MACF1: variants seen among roughly 807,000 people sequenced by gnomAD.
MACF1 encodes the protein microtubule-actin cross-linking factor 1.
In MACF1, 193 loss-of-function variants were observed where a neutral mutation model predicts 854.8. The ratio of observed to expected loss-of-function variants is 0.23; its 90% CI spans 0.20 to 0.25. MACF1 has a LOEUF of 0.25. Among genes scored for constraint, MACF1 ranks in the 10% least tolerant of loss-of-function variants. MACF1 has a pLI of 1.00. For missense variants in MACF1, 7,722 were observed against 8,929.1 expected, an observed-to-expected ratio of 0.86 and a Z score of 5.45; for synonymous variants, 3,185 against 3,226.7, an observed-to-expected ratio of 0.99 and a Z score of 0.44.
intron 35 of MACF1, among the ~76,000 whole-genome samples, chr1:39,325,706 G>A (rs1034392862): frequency 1.3e-5 from 2 of 152,170 alleles, no homozygotes; most frequent in African/African-American, 4.8e-5. Flanking sequence ...GTGGAGATGA[G>A]GGAAAGGAGA....
At chr1:39,474,124 C>G (rs1034272218) in intron 97 of MACF1, among the ~76,000 whole-genome samples, 7 of 152,124 alleles carry the variant, frequency 4.6e-5, no homozygotes, top group Non-Finnish European at 7.3e-5. Context: ...TGCAGCAGCT[C>G]ATGCCTGTAA....
Position 39,293,501 on chromosome 1 carries a change from A to C in MACF1, c.2036A>C (p.Lys679Thr). 6.2e-7 allele frequency: 1 copy of C among 1,613,996 alleles called. No individual in the cohort carries two copies. Among genetic ancestry groups the C allele is most frequent in the Non-Finnish European group, 8.5e-7 (1 of 1,179,884 alleles). ...FRMRHLQSLH[K>T]FVSRATAELI... Reference sequence around the variant, plus strand: ...ATGAGGCACCTTCAGAGCCTGCATAAATTTGTTTCCAGAGCTACAGCTGAG... The same window carrying C: ...ATGAGGCACCTTCAGAGCCTGCATACATTTGTTTCCAGAGCTACAGCTGAG... Residue 679 changes from lysine to threonine, a missense_variant, in exon 18 of 101, where the codon AAA becomes ACA. This residue lies in a region of MACF1 where 1,137 missense variants were observed against 1,263.0 expected (regional missense o/e 0.90). Transcript: ENST00000564288.
chr1:39,482,220 T>G (rs72930227), intron 99 of MACF1, among the ~76,000 whole-genome samples: 6,955 of 152,184 alleles, frequency 0.046, 513 homozygotes, highest in African/African-American at 0.16. Flanking sequence ...CTAGCCCGGG[T>G]TCTAGCTGTG....
intron 2 of MACF1, chr1:39,120,813 ATTTATC>A (rs1183017782): frequency 6.6e-6 from 1 of 152,042 alleles, no homozygotes; most frequent in East Asian, 1.9e-4. Context: ...TCCCTCAAGC[ATTTATC>A]TTTGTGTTGC....
At chr1:39,424,836 C>T (rs1050791408) in intron 61 of MACF1, among the ~76,000 whole-genome samples, 10 of 152,042 alleles carry the variant, frequency 6.6e-5, no homozygotes, top group Non-Finnish European at 1.2e-4. Context: ...AATTAAATAC[C>T]AGCTAATGAG....
rs1404255072 is a variant in MACF1, at chr1:39,331,822, A to C, written c.5234A>C (p.Lys1745Thr). 1 of 1,614,160 alleles carries C rather than the reference A, an allele frequency of 6.2e-7. No homozygotes were observed. The highest frequency in any genetic ancestry group is 8.5e-7 in the Non-Finnish European group (1 of 1,180,018). Residue 1745 changes from lysine (K) to threonine (T), a missense_variant, in exon 37 of 101, where the codon AAG (lysine) becomes ACG (threonine). Physicochemically the swap from Lys to Thr is moderately conservative, Grantham distance 78. Transcript: ENST00000564288. ...ATGGTGAGCTTGAAATCAGGCCGGA[A>C]GGTTAGCATTTTCCGTGCAGTTCAG... The part of the protein sequence containing the change: ...GGMVSLKSGR[K>T]VSIFRAVQEG...
intron 2 of MACF1, among the ~76,000 whole-genome samples, chr1:39,087,128 G>A (rs1333420643): frequency 2.6e-5 from 4 of 152,230 alleles, no homozygotes; most frequent in Non-Finnish European, 5.9e-5. Flanking sequence ...GTGCAGGGGG[G>A]CATGTCTGGG....
At chr1:39,401,939 C>T (rs1353227760) in intron 58 of MACF1, among the ~76,000 whole-genome samples, 1 of 152,178 alleles carries the variant, frequency 6.6e-6, no homozygotes, top group East Asian at 1.9e-4. Context: ...GGGCTGGACG[C>T]AGTGGCTCAC....
intron 6 of MACF1, among the ~76,000 whole-genome samples, chr1:39,279,670 C>A (rs1320017585): frequency 6.6e-6 from 1 of 152,138 alleles, no homozygotes; most frequent in Non-Finnish European, 1.5e-5. Flanking sequence ...TACATGTACC[C>A]TCGGCACTAT....
At chr1:39,254,432 A>T in intron 5 of MACF1, 57 bp downstream of exon 5, 2 of 1,508,844 alleles carry the variant, frequency 1.3e-6, no homozygotes, top group Non-Finnish European at 1.8e-6. Flanking sequence ...TTGGGGCCCT[A>T]TTCAGAGATG....
At chr1:39,274,103 T>C (rs977492502) in intron 6 of MACF1, among the ~76,000 whole-genome samples, 16 of 152,054 alleles carry the variant, frequency 1.1e-4, no homozygotes, top group African/African-American at 3.6e-4. Context: ...TAGCTATGAG[T>C]TGATAATGGT....
chr1:39,185,221 G>A lies in MACF1; in HGVS notation c.221-45961G>A, dbSNP rs190080852. Among the ~76,000 whole-genome samples, 154 of 151,876 alleles carry A rather than the reference G, an allele frequency of 1.0e-3. 1 individual carries two copies. The highest frequency in any genetic ancestry group is 1.5e-3 in the Non-Finnish European group (105 of 67,942). On this transcript the variant is annotated intron_variant, in intron 2 of 93. Coordinates refer to the MACF1 transcript ENST00000361689. The stretch of plus-strand genomic sequence containing the variant: ...GCAGGAGAATGGCATGTACCTGGGA[G>A]GTGGAGCTTGCAGTGAGCCGACATG...
chr1:39,393,906 AAGAAAGAAAG>A (rs1375117608), intron 58 of MACF1, among the ~76,000 whole-genome samples: 3 of 151,918 alleles, frequency 2.0e-5, no homozygotes, highest in African/African-American at 7.2e-5. Flanking sequence ...AAGGAAAGAA[AAGAAAGAAAG>A]AGAAAGAAAG....
At chr1:39,356,295 G>T (rs1262242091) in intron 44 of MACF1, among the ~76,000 whole-genome samples, 1 of 151,810 alleles carries the variant, frequency 6.6e-6, no homozygotes, top group Non-Finnish European at 1.5e-5. Flanking sequence ...TCTAATTATT[G>T]AATTAATTTT....
chr1:39,417,507 G>A (rs1440942943), intron 58 of MACF1, among the ~76,000 whole-genome samples: 3 of 151,638 alleles, frequency 2.0e-5, no homozygotes, highest in Non-Finnish European at 2.9e-5. Context: ...CCCTAACACC[G>A]TTTGTGTACA....
intron 6 of MACF1, among the ~76,000 whole-genome samples, chr1:39,274,127 T>A (rs568765555): frequency 2.6e-5 from 4 of 152,054 alleles, no homozygotes; most frequent in Non-Finnish European, 5.9e-5. Context: ...AACTGGGTAA[T>A]AGGTACATAG....
chr1:39,112,087 CTTT>C (rs569400137), intron 2 of MACF1, among the ~76,000 whole-genome samples: 3 of 133,592 alleles, frequency 2.2e-5, no homozygotes, highest in Non-Finnish European at 1.6e-5. Context: ...TTATTCAAAT[CTTT>C]TTTTTTTTTT....
In MACF1 at chr1:39,333,433, A is replaced by C. The variant is rs751429329; in HGVS notation, c.6845A>C (p.Glu2282Ala). Reference protein sequence around the residue: ...SCSHPLELLEEATLNVLSAQL... With the variant: ...SCSHPLELLEAATLNVLSAQL... Reference sequence around the variant, plus strand: ...AGTCATCCATTAGAATTGCTTGAAGAAGCTACCTTAAATGTATTATCTGCA... The same window carrying C: ...AGTCATCCATTAGAATTGCTTGAAGCAGCTACCTTAAATGTATTATCTGCA... The change falls in exon 37 of 101, where the codon GAA becomes GCA. Residue 2282 changes from glutamate (E) to alanine (A), a missense_variant. Physicochemically the swap from Glu to Ala is moderately radical, Grantham distance 107 (BLOSUM62 -1). Coordinates refer to ENST00000564288, the MANE Select transcript of MACF1 (RefSeq NM_001394062.1). The C allele has an allele frequency of 6.2e-7, 1 of 1,614,162 alleles. No homozygotes were observed. Among genetic ancestry groups the C allele is most frequent in the Non-Finnish European group, 8.5e-7 (1 of 1,180,020 alleles).
At chr1:39,410,935 C>G in intron 58 of MACF1, 1 of 1,613,988 alleles carries the variant, frequency 6.2e-7, no homozygotes, top group Non-Finnish European at 8.5e-7. Flanking sequence ...ATTTCAGCAG[C>G]ACAGTGCAAA....
Sources: gnomAD v4.1 joint callset for allele counts (sites outside exome capture counted in the v4.1 genomes callset) on GRCh38, gnomAD v4.1.1 for gene constraint, gnomAD v4.1.1 regional missense constraint, MANE v1.5 for transcripts, NCBI Gene and HGNC (gene_info 2026-07-23, HGNC 2026-07-21) for gene names.